Variants in CCDC102B observed in about 807,000 individuals in gnomAD.
CCDC102B encodes the protein coiled-coil domain-containing protein 102B.
A neutral mutation model predicts 57.4 loss-of-function variants in CCDC102B; 75 were observed. That is an observed-to-expected ratio of 1.31 (90% CI 1.08 to 1.58). The LOEUF is 1.58. CCDC102B is among the 40% of genes most tolerant of loss of function. CCDC102B has a pLI of 0.00. For synonymous variants in CCDC102B, 206 were observed against 201.9 expected, an observed-to-expected ratio of 1.02 and a Z score of -0.17; for missense variants, 636 against 582.6, an observed-to-expected ratio of 1.09 and a Z score of -0.94.
At chr18:68,808,468 C>CTTTTTTTTTTTTTTTT (rs1157601164) in intron 1 of CCDC102B, among the ~76,000 whole-genome samples, 6 of 91,798 alleles carry the variant, frequency 6.5e-5, no homozygotes, top group Non-Finnish European at 7.9e-5. Context: ...GCTTTTACTA[C>CTTTTTTTTTTTTTTTT]TTTTTTTTTT....
intron 6 of CCDC102B, among the ~76,000 whole-genome samples, chr18:68,936,768 CATACA>C (rs1366153979): frequency 5.1e-5 from 2 of 39,506 alleles, no homozygotes; most frequent in Non-Finnish European, 3.1e-4. Flanking sequence ...TATATACACA[CATACA>C]TACATACATA....
At chr18:68,846,158 T>C (rs991029047) in intron 3 of CCDC102B, among the ~76,000 whole-genome samples, 155 bp from the exon 4 acceptor site, 10 of 151,936 alleles carry the variant, frequency 6.6e-5, no homozygotes, top group African/African-American at 2.4e-4. Flanking sequence ...ATTCAATATT[T>C]ATAATTTTTA....
At chr18:68,722,899 C>CTT (rs370512490) in intron 2 of CCDC102B, among the ~76,000 whole-genome samples, 26 of 131,794 alleles carry the variant, frequency 2.0e-4, no homozygotes, top group African/African-American at 5.3e-4. Flanking sequence ...TTTTTGCAAC[C>CTT]TTTTTTTTTT....
intron 1 of CCDC102B, among the ~76,000 whole-genome samples, chr18:68,820,004 CAT>C (rs1344437363): frequency 2.6e-5 from 4 of 152,034 alleles, no homozygotes; most frequent in African/African-American, 4.8e-5. Flanking sequence ...CTTACACAAT[CAT>C]ATGTACAAAA....
intron 6 of CCDC102B, among the ~76,000 whole-genome samples, chr18:68,962,975 A>G (rs2050080689): frequency 6.6e-6 from 1 of 152,014 alleles, no homozygotes; most frequent in East Asian, 1.9e-4. Context: ...TCATTGATTC[A>G]CCCTTTTATT....
In CCDC102B at chr18:68,863,451, G is replaced by A. The variant is rs1812119726; in HGVS notation, c.937-11218G>A. Among the ~76,000 whole-genome samples, 3 of 152,030 alleles carry A rather than the reference G, an allele frequency of 2.0e-5. No homozygotes were observed. In the South Asian group the frequency reaches 6.2e-4, roughly 32 times the overall value. On this transcript the variant is annotated intron_variant, in intron 4 of 7. Coordinates refer to ENST00000360242, the MANE Select transcript of CCDC102B (RefSeq NM_024781.3). ...TGATATATGATTGTGTCTCACTGTG[G>A]TATTAGCAGACTGATCCTCATTGCC...
intron 6 of CCDC102B, among the ~76,000 whole-genome samples, chr18:68,971,937 C>T (rs2050311399): frequency 6.6e-6 from 1 of 152,098 alleles, no homozygotes; most frequent in Non-Finnish European, 1.5e-5. Context: ...ACTTCATCTC[C>T]TCCTCTCTAT....
chr18:69,036,142 G>A (rs1303418858), intron 7 of CCDC102B, among the ~76,000 whole-genome samples: 2 of 152,092 alleles, frequency 1.3e-5, no homozygotes, highest in Admixed American at 6.6e-5. Flanking sequence ...AAAAGAGGAA[G>A]AAAGTACTTG....
At chr18:69,024,575 GAT>G (rs2051933548) in intron 7 of CCDC102B, among the ~76,000 whole-genome samples, 1 of 151,978 alleles carries the variant, frequency 6.6e-6, no homozygotes, top group Non-Finnish European at 1.5e-5. Flanking sequence ...CTAAAGGTAA[GAT>G]TATATGTTAG....
At chr18:68,997,410 C>T (rs577924725) in intron 6 of CCDC102B, among the ~76,000 whole-genome samples, 26 of 152,196 alleles carry the variant, frequency 1.7e-4, no homozygotes, top group African/African-American at 5.1e-4. Flanking sequence ...ATTTCCCAGC[C>T]GCCCTTTATT....
At chr18:69,017,819 A>G (rs1394416128) in intron 7 of CCDC102B, among the ~76,000 whole-genome samples, 1 of 152,162 alleles carries the variant, frequency 6.6e-6, no homozygotes, top group Non-Finnish European at 1.5e-5. Context: ...GCCCCGGGTA[A>G]CCACCTGTCT....
At chr18:68,775,687 C>T (rs2144622657) in intron 2 of CCDC102B, among the ~76,000 whole-genome samples, 1 of 128,202 alleles carries the variant, frequency 7.8e-6, no homozygotes, top group African/African-American at 3.0e-5. Flanking sequence ...AGGAGTCTTG[C>T]TCTGTCGCCA....
intron 1 of CCDC102B, among the ~76,000 whole-genome samples, chr18:68,816,077 G>C (rs536719406): frequency 6.6e-6 from 1 of 152,256 alleles, no homozygotes. Flanking sequence ...GTCCAAAGGA[G>C]AAGTAGAAAA....
chr18:68,851,628 T>C (rs1226490614), intron 4 of CCDC102B, among the ~76,000 whole-genome samples: 3 of 152,158 alleles, frequency 2.0e-5, no homozygotes, highest in Admixed American at 2.0e-4. Flanking sequence ...ATGAAATAAA[T>C]GTAGGCTTTT....
Position 68,780,310 on chromosome 18 carries a change from A to G in CCDC102B, c.-66-43056A>G, listed in dbSNP as rs557635. ...TTTGGCCATTATGCATAATGCTGCT[A>G]TAAACATTTGTGTACAAGTGTTTGT... is the stretch of plus-strand genomic sequence containing the variant. On this transcript the variant is annotated intron_variant, in intron 2 of 3. Coordinates refer to the CCDC102B transcript ENST00000578970. Among the ~76,000 whole-genome samples, 542 of 152,238 alleles carry G rather than the reference A, an allele frequency of 3.6e-3. 2 individuals are homozygous for G. Among genetic ancestry groups the G allele is most frequent in the African/African-American group, 0.012 (511 of 41,560 alleles).
chr18:69,027,174 A>ACC (rs1450728208), intron 7 of CCDC102B, among the ~76,000 whole-genome samples: 9 of 152,196 alleles, frequency 5.9e-5, no homozygotes, highest in Non-Finnish European at 1.0e-4. Context: ...ACAGATGTCA[A>ACC]CCTGGGCTCA....
intron 7 of CCDC102B, among the ~76,000 whole-genome samples, chr18:69,023,334 A>G (rs1483967748): frequency 6.6e-6 from 1 of 152,162 alleles, no homozygotes; most frequent in Non-Finnish European, 1.5e-5. Flanking sequence ...AATGTAAGTA[A>G]AAAAACAGTA....
At chr18:69,041,747 G>A (rs2052440801) in intron 7 of CCDC102B, among the ~76,000 whole-genome samples, 1 of 151,900 alleles carries the variant, frequency 6.6e-6, no homozygotes, top group South Asian at 2.1e-4. Flanking sequence ...CTTTTGCATA[G>A]TGTTTCATTT....
chr18:68,943,587 A>G (rs1401676340), intron 6 of CCDC102B, among the ~76,000 whole-genome samples: 1 of 152,176 alleles, frequency 6.6e-6, no homozygotes, highest in African/African-American at 2.4e-5. Flanking sequence ...TGAGTTACGC[A>G]CAATAAAGAC....
Sources: allele counts gnomAD v4.1 joint callset (sites outside exome capture counted in the v4.1 genomes callset), GRCh38; gene constraint gnomAD v4.1.1; transcripts MANE v1.5; gene names NCBI Gene and HGNC (gene_info 2026-07-23, HGNC 2026-07-21).